Variants in TENM3 observed in about 807,000 individuals in gnomAD.
The protein encoded by TENM3 is teneurin transmembrane protein 3, also known as teneurin-3.
Under a neutral mutation model 255.1 loss-of-function variants are expected in TENM3, and 63 were observed. The observed-to-expected ratio is 0.25, with a 90% CI of 0.20 to 0.30. The LOEUF is 0.30. TENM3 is among the 10% of genes least tolerant of loss of function. The pLI is 1.00. For missense variants in TENM3, 2,929 were observed against 3,461.1 expected (o/e 0.85, Z 3.86); for synonymous variants, 1,306 against 1,322.3 (o/e 0.99, Z 0.27).
At chr4:182,339,527 C>T (rs1174303661) in intron 2 of TENM3, among the ~76,000 whole-genome samples, 1 of 152,122 alleles carries the variant, frequency 6.6e-6, no homozygotes, top group Admixed American at 6.5e-5. Flanking sequence ...GATTACCCAC[C>T]AGAAGGTGTG....
chr4:181,966,505 A>G, the TENM3 span, among the ~76,000 whole-genome samples: 1 of 152,262 alleles, frequency 6.6e-6, no homozygotes, highest in East Asian at 1.9e-4. Flanking sequence ...AGGCTGAAAA[A>G]TCCATTCAAG....
In TENM3 at chr4:182,714,108, A is replaced by G. The variant is rs1253668141; in HGVS notation, c.2243A>G (p.Asn748Ser). Residue 748 changes from asparagine (N) to serine (S), a missense_variant, in exon 13 of 28, where the codon AAC (asparagine) becomes AGC (serine). By Grantham distance (46) the Asn-to-Ser change is conservative. Coordinates refer to ENST00000511685, the MANE Select transcript of TENM3 (RefSeq NM_001080477.4). ...ACAGAGGGTTGTCCTGGTCTGTGCA[A>G]CAGCAATGGAAGATGTACCCTGGAC... is the stretch of plus-strand genomic sequence containing the variant. ...CTIEGCPGLC[N>S]SNGRCTLDQN... 4.3e-6 allele frequency: 7 copies of G among 1,613,768 alleles called. No individual in the cohort carries two copies. Among genetic ancestry groups the G allele is most frequent in the African/African-American group, 1.3e-5 (1 of 74,894 alleles).
chr4:182,000,801 G>A, the TENM3 span, among the ~76,000 whole-genome samples: 1 of 149,934 alleles, frequency 6.7e-6, no homozygotes, highest in African/African-American at 2.5e-5. Context: ...GCGATGTTAG[G>A]CTTTGTTAGA....
At chr4:182,783,265 T>G (rs1445208624) in intron 24 of TENM3, among the ~76,000 whole-genome samples, 2 of 152,178 alleles carry the variant, frequency 1.3e-5, no homozygotes, top group Non-Finnish European at 2.9e-5. Flanking sequence ...TGACAAAATC[T>G]CTCAGCATTT....
the TENM3 span, among the ~76,000 whole-genome samples, chr4:182,111,988 T>C: frequency 6.6e-6 from 1 of 152,154 alleles, no homozygotes; most frequent in South Asian, 2.1e-4. Context: ...TCTTCTATTT[T>C]TACATTTTAA....
At chr4:182,672,244 C>CT (rs1382832766) in intron 6 of TENM3, among the ~76,000 whole-genome samples, 1 of 152,138 alleles carries the variant, frequency 6.6e-6, no homozygotes, top group Non-Finnish European at 1.5e-5. Context: ...GATGGTGTCT[C>CT]TTAACAGGTG....
chr4:181,462,644 TTTTG>T, the TENM3 span, among the ~76,000 whole-genome samples: 5 of 152,308 alleles, frequency 3.3e-5, no homozygotes, highest in Middle Eastern at 3.4e-3. Flanking sequence ...AAGTAGAATT[TTTTG>T]TTTGTTTGTT....
chr4:182,402,939 A>G lies in TENM3; in HGVS notation c.511+56010A>G, dbSNP rs527619794. 5.9e-5 allele frequency among the ~76,000 whole-genome samples: 9 copies of G among 152,366 alleles called. 1 individual carries two copies. In the South Asian group the frequency reaches 1.7e-3, roughly 28 times the overall value. On this transcript the variant is annotated intron_variant, in intron 3 of 27. Coordinates refer to ENST00000511685, the MANE Select transcript of TENM3 (RefSeq NM_001080477.4). ...AAATATGATTTGAGAATAAAAGGAA[A>G]TATATAACCATGATGGAAATGTATT...
At chr4:182,488,986 A>G (rs1735017368) in intron 3 of TENM3, among the ~76,000 whole-genome samples, 1 of 152,080 alleles carries the variant, frequency 6.6e-6, no homozygotes, top group African/African-American at 2.4e-5. Flanking sequence ...TAATTACATA[A>G]TGTTATTCAA....
At chr4:182,553,835 G>A (rs1163563325) in intron 3 of TENM3, among the ~76,000 whole-genome samples, 2 of 152,144 alleles carry the variant, frequency 1.3e-5, no homozygotes, top group East Asian at 3.9e-4. Flanking sequence ...CAAAGCCTCT[G>A]ATTTTTAAGC....
the TENM3 span, among the ~76,000 whole-genome samples, chr4:181,700,635 T>C: frequency 1.3e-5 from 2 of 152,326 alleles, no homozygotes; most frequent in East Asian, 3.9e-4. Context: ...CCTTCATTTT[T>C]TGTGACCTAC....
chr4:182,668,248 T>C (rs115573455), intron 6 of TENM3, among the ~76,000 whole-genome samples: 4 of 152,182 alleles, frequency 2.6e-5, no homozygotes, highest in Non-Finnish European at 4.4e-5. Context: ...ATACTGGAAG[T>C]TTTATGCTCC....
chr4:181,751,296 A>C, the TENM3 span, among the ~76,000 whole-genome samples: 2 of 152,042 alleles, frequency 1.3e-5, no homozygotes, highest in South Asian at 4.1e-4. Context: ...CCAGTCTTTT[A>C]ACTCAAGAAT....
the TENM3 span, among the ~76,000 whole-genome samples, chr4:181,673,743 C>T: frequency 2.0e-5 from 3 of 151,916 alleles, no homozygotes; most frequent in African/African-American, 4.8e-5. Context: ...GGGTAGTTAT[C>T]GTAACTTCAT....
intron 3 of TENM3, among the ~76,000 whole-genome samples, chr4:182,433,869 T>A (rs4862065): frequency 0.49 from 73,830 of 151,718 alleles, 18,336 homozygotes; most frequent in South Asian, 0.6. Flanking sequence ...TAATCCCAGC[T>A]CTTTGGGAGA....
intron 1 of TENM3, among the ~76,000 whole-genome samples, chr4:182,194,941 A>G (rs939620280): frequency 1.3e-5 from 2 of 151,722 alleles, no homozygotes; most frequent in East Asian, 3.9e-4. Flanking sequence ...TTTACCATGG[A>G]AGTATTCAGA....
At chr4:182,183,339 T>TGTTC (rs1190602737) in intron 1 of TENM3, among the ~76,000 whole-genome samples, 1 of 152,114 alleles carries the variant, frequency 6.6e-6, no homozygotes, top group Non-Finnish European at 1.5e-5. Context: ...ACCTAGAAGA[T>TGTTC]GTTCCACTGT....
chr4:182,720,073 C>T (rs1485940911), intron 13 of TENM3, among the ~76,000 whole-genome samples: 4 of 151,968 alleles, frequency 2.6e-5, no homozygotes, highest in Admixed American at 2.6e-4. Flanking sequence ...CACACACACA[C>T]ACACACAAAC....
intron 22 of TENM3, among the ~76,000 whole-genome samples, chr4:182,771,116 G>C (rs1261539550): frequency 6.6e-6 from 1 of 152,192 alleles, no homozygotes. Context: ...CTGTGCCGAG[G>C]ATCCTGTGAT....
Sources: allele counts gnomAD v4.1 joint callset (sites outside exome capture counted in the v4.1 genomes callset), GRCh38; gene constraint gnomAD v4.1.1; transcripts MANE v1.5; gene names NCBI Gene and HGNC (gene_info 2026-07-23, HGNC 2026-07-21).